GPR84: variants seen among roughly 807,000 people sequenced by gnomAD.
The protein encoded by GPR84 is G-protein coupled receptor 84.
A neutral mutation model predicts 14.9 loss-of-function variants in GPR84; 8 were observed. The observed-to-expected ratio is 0.54, with a 90% CI of 0.31 to 0.97. GPR84 has a LOEUF of 0.97. GPR84 is among the 50% of genes least tolerant of loss of function. The pLI, the probability that GPR84 is intolerant of heterozygous loss-of-function variation, is 0.04. For synonymous variants in GPR84, 164 were observed against 198.1 expected, an observed-to-expected ratio of 0.83 and a Z score of 1.45; for missense variants, 424 against 498.7, an observed-to-expected ratio of 0.85 and a Z score of 1.43.
At chr12:54,351,741 G>T in the GPR84 span, 24,114 of 152,140 alleles carry the variant, frequency 0.16, 2,193 homozygotes, top group East Asian at 0.26. Context: ...GGCAGATAAC[G>T]GGGCATATTT....
chr12:54,362,635 G>A lies in GPR84; in HGVS notation c.*26C>T. 6.7e-7 allele frequency: 1 copy of A among 1,491,446 alleles called. No individual in the cohort carries two copies. Among genetic ancestry groups the A allele is most frequent in the Non-Finnish European group, 9.2e-7 (1 of 1,086,404 alleles). The allele number at this position is 1,491,446 out of a possible 1,614,324, so 92.4% of individuals were successfully genotyped here. A position where few individuals can be genotyped will look rare whatever the true frequency, so the allele number is the denominator to read the frequency against. ...CTTTGGTCCTGGAGGAGACAGTCCT[G>A]AATTCTGGTGACTAGGGTCACAGTT... On this transcript the variant is annotated 3_prime_UTR_variant, in exon 2 of 2. Transcript: ENST00000267015. This position sits in a 1 kb window ranked among gnomAD's most constrained non-coding sequence, Gnocchi z 4.0.
At chr12:54,358,365 G>T (rs751249331), downstream of GPR84, among the ~76,000 whole-genome samples, 1 of 152,064 alleles carries the variant, frequency 6.6e-6, no homozygotes, top group African/African-American at 2.4e-5. Context: ...CAATATTTCC[G>T]TTGGGGAGTA....
chr12:54,355,636 G>A, the GPR84 span, among the ~76,000 whole-genome samples: 1 of 151,496 alleles, frequency 6.6e-6, no homozygotes, highest in Non-Finnish European at 1.5e-5. Flanking sequence ...AGCTGCTCCT[G>A]TCTATCTTCT....
downstream of GPR84, among the ~76,000 whole-genome samples, chr12:54,358,542 C>T (rs1404850682): frequency 6.6e-6 from 1 of 152,044 alleles, no homozygotes; most frequent in Non-Finnish European, 1.5e-5. Flanking sequence ...TCTCACCTCC[C>T]TATTGCGCCT....
chr12:54,364,234 C>T (rs553146972), intron 1 of GPR84, 159 bp downstream of exon 1: 1 of 180,212 alleles, frequency 5.5e-6, no homozygotes, highest in African/African-American at 2.4e-5. Context: ...AGTCCCCTCT[C>T]TCTATTCAGC....
the GPR84 span, among the ~76,000 whole-genome samples, chr12:54,352,433 T>TG: frequency 6.6e-6 from 1 of 152,068 alleles, no homozygotes; most frequent in African/African-American, 2.4e-5. Context: ...GCTCACAAGA[T>TG]GGATTTAGCT....
chr12:54,360,375 G>A (rs2137127351), downstream of GPR84, among the ~76,000 whole-genome samples: 1 of 152,220 alleles, frequency 6.6e-6, no homozygotes, highest in East Asian at 1.9e-4. Flanking sequence ...CCCGCACCCC[G>A]CTTTGTACAG....
downstream of GPR84, among the ~76,000 whole-genome samples, chr12:54,360,275 TTATAA>T (rs1565602390): frequency 1.3e-5 from 2 of 152,192 alleles, no homozygotes; most frequent in South Asian, 2.1e-4. Context: ...AAGAAAGAAA[TTATAA>T]TAGATACTTC....
the GPR84 span, among the ~76,000 whole-genome samples, chr12:54,352,056 G>T: frequency 6.6e-6 from 1 of 152,102 alleles, no homozygotes; most frequent in African/African-American, 2.4e-5. Context: ...CAGGGGTGGG[G>T]TGGGGATGGT....
chr12:54,359,526 G>A (rs1954247611), downstream of GPR84, among the ~76,000 whole-genome samples: 1 of 152,194 alleles, frequency 6.6e-6, no homozygotes, highest in African/African-American at 2.4e-5. Flanking sequence ...AGGAGAGACG[G>A]ACAGATGGAA....
chr12:54,354,097 GTCTTT>G, the GPR84 span, among the ~76,000 whole-genome samples: 3 of 151,300 alleles, frequency 2.0e-5, no homozygotes, highest in East Asian at 1.9e-4. Context: ...GTCATTCTGT[GTCTTT>G]TCTTTTCTCT....
At chr12:54,359,143 G>C (rs567625078), downstream of GPR84, among the ~76,000 whole-genome samples, 1 of 152,080 alleles carries the variant, frequency 6.6e-6, no homozygotes, top group South Asian at 2.1e-4. Context: ...GGCGGGAAGG[G>C]GAGGGGAGGG....
chr12:54,350,710 C>T, the GPR84 span: 1 of 607,684 alleles, frequency 1.6e-6, no homozygotes, highest in Non-Finnish European at 3.0e-6. Flanking sequence ...TTTCATTCTT[C>T]TTGCAGTTCT....
the GPR84 span, among the ~76,000 whole-genome samples, chr12:54,357,323 G>A: frequency 2.3e-3 from 357 of 152,262 alleles, 14 homozygotes; most frequent in East Asian, 0.064. Context: ...TGGAGGGCAT[G>A]GGGGATGGGG....
chr12:54,352,923 A>G, the GPR84 span, among the ~76,000 whole-genome samples: 4 of 152,150 alleles, frequency 2.6e-5, no homozygotes, highest in African/African-American at 9.7e-5. Flanking sequence ...TGAGCTGGGG[A>G]AAAGCAATAC....
downstream of GPR84, among the ~76,000 whole-genome samples, chr12:54,359,263 C>T (rs117362233): frequency 1.2e-3 from 188 of 152,272 alleles, 2 homozygotes; most frequent in East Asian, 0.033. Flanking sequence ...CGTAAATCGG[C>T]CTGTCAAGCT....
At chr12:54,359,135 C>T (rs532593503), downstream of GPR84, among the ~76,000 whole-genome samples, 32 of 150,994 alleles carry the variant, frequency 2.1e-4, no homozygotes, top group Non-Finnish European at 3.7e-4. Context: ...AGGGACGCGG[C>T]GGGAAGGGGA....
At chr12:54,352,425 T>A in the GPR84 span, among the ~76,000 whole-genome samples, 1 of 152,018 alleles carries the variant, frequency 6.6e-6, no homozygotes, top group African/African-American at 2.4e-5. Flanking sequence ...GGCGGTGAGC[T>A]CACAAGATGG....
the GPR84 span, among the ~76,000 whole-genome samples, chr12:54,355,660 G>C: frequency 2.3e-4 from 35 of 150,790 alleles, no homozygotes; most frequent in African/African-American, 8.3e-4. Flanking sequence ...CATTCTCCTT[G>C]TATCTCCCCT....
Sources: gnomAD v4.1 joint callset for allele counts (sites outside exome capture counted in the v4.1 genomes callset) on GRCh38, gnomAD v4.1.1 for gene constraint, Gnocchi (gnomAD v3.1) non-coding constraint, MANE v1.5 for transcripts, NCBI Gene and HGNC (gene_info 2026-07-23, HGNC 2026-07-21) for gene names.